Variants in IDE observed in about 807,000 individuals in gnomAD.
IDE encodes insulin degrading enzyme, also known as insulin-degrading enzyme.
Under a neutral mutation model 133.2 loss-of-function variants are expected in IDE, and 58 were observed. The ratio of observed to expected loss-of-function variants is 0.44; its 90% CI spans 0.35 to 0.54. IDE has a LOEUF of 0.54. IDE is among the 20% of genes least tolerant of loss of function. IDE has a pLI of 0.00. For synonymous variants in IDE, 396 were observed against 421.3 expected, an observed-to-expected ratio of 0.94 and a Z score of 0.73; for missense variants, 981 against 1,234.0, an observed-to-expected ratio of 0.79 and a Z score of 3.07.
At chr10:92,560,203 T>G (rs990556973) in intron 1 of IDE, among the ~76,000 whole-genome samples, 1 of 152,208 alleles carries the variant, frequency 6.6e-6, no homozygotes, top group Non-Finnish European at 1.5e-5. Flanking sequence ...AAATAACATA[T>G]TCATTTTCCT....
chr10:92,530,497 G>A (rs1184468040), intron 4 of IDE, among the ~76,000 whole-genome samples: 1 of 151,454 alleles, frequency 6.6e-6, no homozygotes, highest in African/African-American at 2.4e-5. Context: ...ATGTTGCCCA[G>A]GCTGGTCTCA....
rs990703453 is a variant in IDE at position 92,479,395 on chromosome 10, T to C, written c.1766A>G (p.His589Arg). The C allele has an allele frequency of 1.9e-6, 3 of 1,611,244 alleles. No individual in the cohort carries two copies. Among genetic ancestry groups the C allele is most frequent in the Non-Finnish European group, 2.5e-6 (3 of 1,177,690 alleles). Residue 589 changes from histidine (H) to arginine (R), a missense_variant, in exon 15 of 25, where the codon CAC (histidine) becomes CGC (arginine). By Grantham distance (29) the His-to-Arg change is conservative (BLOSUM62 0). This residue lies in a region of IDE where 660 missense variants were observed against 894.7 expected (regional missense o/e 0.74). Transcript: ENST00000265986. ...FSPFAYVDPL[H>R]CNMAYLYLEL... ...AAGGTACAAATAGGCCATGTTACAG[T>C]GCAAGGGGTCCACATAAGCAAATGG... is the stretch of plus-strand genomic sequence containing the variant.
intron 4 of IDE, among the ~76,000 whole-genome samples, chr10:92,524,618 G>C (rs866464261): frequency 7.3e-6 from 1 of 136,120 alleles, no homozygotes; most frequent in Non-Finnish European, 1.5e-5. Context: ...GGGATGCAAA[G>C]ATGGTTCAAC....
chr10:92,474,216 C>T (rs1048488572), intron 17 of IDE, among the ~76,000 whole-genome samples: 1 of 151,998 alleles, frequency 6.6e-6, no homozygotes, highest in Admixed American at 6.6e-5. Flanking sequence ...AGGTGTAAGC[C>T]ACCATATCCA....
chr10:92,480,813 C>G (rs1280844760), intron 14 of IDE: 1 of 273,232 alleles, frequency 3.7e-6, no homozygotes, highest in East Asian at 1.7e-4. Flanking sequence ...AGGCTGGTCT[C>G]GAACTCCTAG....
At position 92,452,259 on chromosome 10, in the gene IDE, G is replaced by C. The variant is rs1459443695; in HGVS notation, c.*2185C>G. The C allele has an allele frequency of 6.6e-6, 1 of 152,206 alleles. No individual in the cohort carries two copies. Among genetic ancestry groups the C allele is most frequent in the South Asian group, 2.1e-4 (1 of 4,832 alleles). 9.4% of individuals were successfully genotyped at this position (152,206 alleles called of 1,614,324 possible). ...CAGACTCCAGAGGTGAAATTCAGGCGATTTATTGTAAACAGGATAACCCTA... is the reference window on the plus strand; with the variant it reads ...CAGACTCCAGAGGTGAAATTCAGGCCATTTATTGTAAACAGGATAACCCTA... On this transcript the variant is annotated 3_prime_UTR_variant, in exon 25 of 25. Transcript: ENST00000265986.
At position 92,463,803 on chromosome 10, in the gene IDE, G is replaced by A; in HGVS notation, c.2689C>T (p.Pro897Ser). ...GCACACTCAGCAGATAGCTTCTTTG[G>A]TTTGTCTAGTCGACGAATTGCTAAT... is the stretch of plus-strand genomic sequence containing the variant. ...QALAIRRLDK[P>S]KKLSAECAKY... is the part of the protein sequence containing the mutation. Residue 897 changes from proline to serine, a missense_variant, in exon 21 of 25, where the codon CCA becomes TCA. Transcript: ENST00000265986. 1 of 1,614,032 alleles carries A rather than the reference G, an allele frequency of 6.2e-7. No individual in the cohort carries two copies. Among genetic ancestry groups the A allele is most frequent in the Non-Finnish European group, 8.5e-7 (1 of 1,179,906 alleles).
intron 1 of IDE, among the ~76,000 whole-genome samples, chr10:92,567,373 G>A (rs1364365202): frequency 2.6e-5 from 4 of 152,068 alleles, no homozygotes; most frequent in South Asian, 2.1e-4. Flanking sequence ...CTCCCACATC[G>A]TCCCTACATC....
chr10:92,456,865 A>G lies in IDE; in HGVS notation c.2824-434T>C, dbSNP rs977961638. Among the ~76,000 whole-genome samples the G allele has an allele frequency of 1.1e-4, 17 of 149,936 alleles. 1 individual carries two copies. The highest frequency in any genetic ancestry group is 2.4e-4 in the Non-Finnish European group (16 of 67,470). ...GTCTCAAAAAAAAAAAAAAAAAAAA[A>G]AAAAAAAAGAAAAAGAAAAAGAAAA... is the stretch of plus-strand genomic sequence containing the variant. On this transcript the variant is annotated intron_variant, in intron 22 of 24. Coordinates refer to ENST00000265986, the MANE Select transcript of IDE (RefSeq NM_004969.4).
chr10:92,494,783 T>A (rs984126787), intron 11 of IDE, among the ~76,000 whole-genome samples: 2 of 152,268 alleles, frequency 1.3e-5, no homozygotes, highest in Middle Eastern at 3.4e-3. Context: ...ACTACAGACA[T>A]GAAAAGGCAA....
At chr10:92,500,187 C>T (rs1287549513) in intron 11 of IDE, among the ~76,000 whole-genome samples, 1 of 151,862 alleles carries the variant, frequency 6.6e-6, no homozygotes, top group Non-Finnish European at 1.5e-5. Flanking sequence ...ATCCCAGCTA[C>T]TCGGGAGGCT....
Position 92,507,439 on chromosome 10 carries a change from T to C in IDE, c.1245+136A>G, listed in dbSNP as rs1168390843. 4.3e-5 allele frequency: 28 copies of C among 650,008 alleles called. 1 individual carries two copies. The Admixed American group carries it at 7.2e-4, about 17-fold the overall frequency. 40.3% of individuals were successfully genotyped at this position (650,008 alleles called of 1,614,324 possible). On this transcript the variant is annotated intron_variant, in intron 9 of 24. Transcript: ENST00000265986. ...AACTAAGCCTTAACTAATACTATTA[T>C]ACATTGCAAAATTTTAGACTTCAGT... is the stretch of plus-strand genomic sequence containing the variant.
rs1847278351 is a variant in IDE at position 92,490,506 on chromosome 10, T to A, written c.1520A>T (p.Asp507Val). The A allele has an allele frequency of 6.9e-6, 11 of 1,599,430 alleles. No individual in the cohort carries two copies. The highest frequency in any genetic ancestry group is 1.7e-5 in the Admixed American group (1 of 59,784). ...AGTTAACCCTACCTTGATGACTTCA[T>A]CCGGTATAGCTTCTTGTTTGTACTG... ...GTQYKQEAIP[D>V]EVIKKWQNAD... is the part of the protein sequence containing the mutation. Residue 507 changes from aspartate to valine, a missense_variant, in exon 12 of 25, where the codon GAT (aspartate) becomes GTT (valine). Transcript: ENST00000265986.
chr10:92,558,787 G>A (rs1843133211), intron 1 of IDE: 1 of 152,026 alleles, frequency 6.6e-6, no homozygotes, highest in African/African-American at 2.4e-5. Context: ...TAGAGATGGG[G>A]TTTCACCTTG....
chr10:92,481,674 G>A (rs1382333864), intron 14 of IDE, among the ~76,000 whole-genome samples: 2 of 152,134 alleles, frequency 1.3e-5, no homozygotes, highest in African/African-American at 4.8e-5. Context: ...AAGATGGAAA[G>A]GATATAGACA....
At chr10:92,525,913 T>C (rs1849600632) in intron 4 of IDE, among the ~76,000 whole-genome samples, 1 of 151,906 alleles carries the variant, frequency 6.6e-6, no homozygotes, top group African/African-American at 2.4e-5. Flanking sequence ...TCCCAGAACT[T>C]TGGGAGGCCA....
In IDE at chr10:92,541,432, T is replaced by C. The variant is rs538590770; in HGVS notation, c.99-3882A>G. 7 of 285,010 alleles carry C rather than the reference T, an allele frequency of 2.5e-5. No individual in the cohort carries two copies. In the Admixed American group the frequency reaches 2.9e-4, roughly 12 times the overall value. 17.7% of individuals were successfully genotyped at this position (285,010 alleles called of 1,614,324 possible). A position where few individuals can be genotyped will look rare whatever the true frequency, so the allele number is the denominator to read the frequency against. On this transcript the variant is annotated intron_variant, in intron 1 of 24. Transcript: ENST00000265986. ...ACTTCAGATCATTAGCATAAAGCCTTCAAGAGTAATTTTATTTATGGCAAA... is the reference window on the plus strand; with the variant it reads ...ACTTCAGATCATTAGCATAAAGCCTCCAAGAGTAATTTTATTTATGGCAAA...
chr10:92,496,433 T>C (rs1847705336), intron 11 of IDE, among the ~76,000 whole-genome samples: 1 of 152,146 alleles, frequency 6.6e-6, no homozygotes, highest in Non-Finnish European at 1.5e-5. Context: ...CTTTAAACTG[T>C]AAAGGTGGAC....
At chr10:92,572,793 T>G (rs1843847655) in intron 1 of IDE, 2 of 648,064 alleles carry the variant, frequency 3.1e-6, no homozygotes. Flanking sequence ...TAGGCTGGAT[T>G]ACGCCCACGC....
Sources: allele counts gnomAD v4.1 joint callset (sites outside exome capture counted in the v4.1 genomes callset), GRCh38; gene constraint gnomAD v4.1.1; regional missense constraint gnomAD v4.1.1; transcripts MANE v1.5; gene names NCBI Gene and HGNC (gene_info 2026-07-23, HGNC 2026-07-21).